LMTK3: variants seen among roughly 807,000 people sequenced by gnomAD.
The protein encoded by LMTK3 is serine/threonine-protein kinase LMTK3.
LMTK3 carries 27 observed loss-of-function variants against 116.7 expected under a neutral mutation model. The ratio of observed to expected loss-of-function variants is 0.23; its 90% CI spans 0.17 to 0.32. The LOEUF is 0.32. Among genes scored for constraint, LMTK3 ranks in the 10% least tolerant of loss-of-function variants. The probability of loss-of-function intolerance (pLI) is 1.00; values close to 1 mark genes in which losing one functional copy is unlikely to be tolerated. For synonymous variants in LMTK3, 965 were observed against 971.0 expected (o/e 0.99, Z 0.11); for missense variants, 1,764 against 2,068.5 (o/e 0.85, Z 2.86).
chr19:48,510,088 T>C lies in LMTK3; in HGVS notation c.296A>G (p.Asp99Gly). The change falls in exon 3 of 15, where the codon GAT becomes GGT. Residue 99 changes from aspartate to glycine, a missense_variant. Around this residue, in one of 7 missense-constraint regions of LMTK3, gnomAD observed 271 missense variants for 478.2 expected, o/e 0.57. Coordinates refer to ENST00000600059, the MANE Select transcript of LMTK3 (RefSeq NM_001388485.1). ...CTCAGCCAGCGGGAGAATGTAGACA[T>C]CAGGCAGCGACTGTGAGGAGGAGGT... ...EETSSSQSLP[D>G]VYILPLAEVS... 1 of 1,613,820 alleles carries C rather than the reference T, an allele frequency of 6.2e-7. No individual in the cohort carries two copies. Among genetic ancestry groups the C allele is most frequent in the South Asian group, 1.1e-5 (1 of 91,058 alleles).
chr19:48,510,661 G>C, intron 1 of LMTK3, 69 bp from the exon 2 acceptor site: 2 of 1,454,454 alleles, frequency 1.4e-6, no homozygotes, highest in Non-Finnish European at 1.8e-6. Flanking sequence ...GCCCCCTCCC[G>C]TCCCGGCACG....
In LMTK3 at chr19:48,497,865, C is replaced by G. The variant is rs919419012; in HGVS notation, c.3204G>C (p.Gly1068=). Residue 1068 remains glycine, a synonymous_variant, in exon 11 of 15, where the codon GGG becomes GGC. Coordinates refer to ENST00000600059, the MANE Select transcript of LMTK3 (RefSeq NM_001388485.1). The surrounding 1 kb of genome is among the most constrained non-coding windows in gnomAD (Gnocchi z 5.7). ...PSAVVSSRNG[G]ETAPGPLGPA... ...GGCCAAGGGGGCCAGGGGCTGTCTC[C>G]CCGCCGTTCCGGGAGGAGACCACTG... The G allele has an allele frequency of 4.2e-6, 6 of 1,441,574 alleles. No individual in the cohort carries two copies. The African/African-American group carries it at 8.6e-5, about 21-fold the overall frequency. The allele number at this position is 1,441,574 out of a possible 1,614,324, so 89.3% of individuals were successfully genotyped here.
Position 48,497,259 on chromosome 19 carries a change from G to T in LMTK3, c.3676+134C>A. The T allele has an allele frequency of 3.0e-6, 3 of 986,768 alleles. No individual in the cohort carries two copies. Among genetic ancestry groups the T allele is most frequent in the Non-Finnish European group, 4.0e-6 (3 of 742,674 alleles). The allele number at this position is 986,768 out of a possible 1,614,324, so 61.1% of individuals were successfully genotyped here. A position where few individuals can be genotyped will look rare whatever the true frequency, so the allele number is the denominator to read the frequency against. On this transcript the variant is annotated intron_variant, in intron 11 of 14. Transcript: ENST00000600059. This position sits in a 1 kb window ranked among gnomAD's most constrained non-coding sequence, Gnocchi z 5.7. ...GAGAGGGGGCTGAGCCACGATGTGA[G>T]CCCAGGTGGTGCAGGCTTCAGGACC...
chr19:48,498,349 G>A lies in LMTK3; in HGVS notation c.2720C>T (p.Pro907Leu), dbSNP rs762392357. Residue 907 changes from proline (P) to leucine (L), a missense_variant, in exon 11 of 15, where the codon CCG (proline) becomes CTG (leucine). Physicochemically the swap from Pro to Leu is moderately conservative, Grantham distance 98 (BLOSUM62 -3). This residue lies in a region of LMTK3 where 1,028 missense variants were observed against 1,050.6 expected (regional missense o/e 0.98). Coordinates refer to ENST00000600059, the MANE Select transcript of LMTK3 (RefSeq NM_001388485.1). Reference protein sequence around the residue: ...REKVPGLNRDPTVLGNGKQAP... With the variant: ...REKVPGLNRDLTVLGNGKQAP... ...TTGTTTCCCGTTGCCCAGGACTGTC[G>A]GGTCCCTGTTCAGGCCCGGGACTTT... The A allele has an allele frequency of 8.7e-6, 14 of 1,612,960 alleles. No homozygotes were observed. In the Middle Eastern group the frequency reaches 6.6e-4, roughly 76 times the overall value.
Position 48,501,393 on chromosome 19 carries a change from G to A in LMTK3, c.891C>T (p.Tyr297=). Residue 297 remains tyrosine, a synonymous_variant, in exon 9 of 15, where the codon TAC becomes TAT. Transcript: ENST00000600059. Reference sequence around the variant, plus strand: ...GGATCCACAGGCGCTCTGGGGTCAGGTAGTAGTCCTCCTGAGGGAACCAGG... The same window carrying A: ...GGATCCACAGGCGCTCTGGGGTCAGATAGTAGTCCTCCTGAGGGAACCAGG... The part of the protein sequence containing the change: ...LAHSNYKEDY[Y]LTPERLWIPL... The A allele has an allele frequency of 6.2e-7, 1 of 1,613,036 alleles. No homozygotes were observed. Among genetic ancestry groups the A allele is most frequent in the East Asian group, 2.2e-5 (1 of 44,874 alleles).
chr19:48,500,659 C>T lies in LMTK3; in HGVS notation c.1151+337G>A, dbSNP rs558150101. 3.9e-5 allele frequency among the ~76,000 whole-genome samples: 6 copies of T among 152,266 alleles called. No individual in the cohort carries two copies. In the East Asian group the frequency reaches 9.6e-4, roughly 24 times the overall value. On this transcript the variant is annotated intron_variant, in intron 10 of 14. Coordinates refer to ENST00000600059, the MANE Select transcript of LMTK3 (RefSeq NM_001388485.1). This position sits in a 1 kb window ranked among gnomAD's most constrained non-coding sequence, Gnocchi z 4.0. ...GGGGGAAGATGCCCATAGAGAGAGG[C>T]TGACGGGACCTGGAGGCAGAGGGGA...
chr19:48,492,118 C>T (rs889781441), intron 12 of LMTK3, among the ~76,000 whole-genome samples: 14 of 152,214 alleles, frequency 9.2e-5, no homozygotes, highest in Non-Finnish European at 1.6e-4. Flanking sequence ...ATGCCCGCCC[C>T]AGGTTCATCT....
At chr19:48,493,361 GC>G (rs1034106480) in intron 12 of LMTK3, among the ~76,000 whole-genome samples, 1 of 13,314 alleles carries the variant, frequency 7.5e-5, no homozygotes, top group African/African-American at 3.5e-4. Context: ...CCTGGGCCCC[GC>G]CCCACTCTAG....
rs1459933536 is a variant in LMTK3, at chr19:48,497,386, T to A, written c.3676+7A>T. Reference sequence around the variant, plus strand: ...TCAGCCCTGACTGTGCCCCGCAGCCTCCTCACCTTTGATCTGCTCGCTGTT... The same window carrying A: ...TCAGCCCTGACTGTGCCCCGCAGCCACCTCACCTTTGATCTGCTCGCTGTT... On this transcript the variant is annotated splice_region_variant and intron_variant, in intron 11 of 14. Coordinates refer to ENST00000600059, the MANE Select transcript of LMTK3 (RefSeq NM_001388485.1). This position sits in a 1 kb window ranked among gnomAD's most constrained non-coding sequence, Gnocchi z 5.7. The A allele has an allele frequency of 1.3e-6, 2 of 1,482,934 alleles. 1 individual carries two copies. Among genetic ancestry groups the A allele is most frequent in the South Asian group, 2.8e-5 (2 of 72,636 alleles). 91.9% of individuals were successfully genotyped at this position (1,482,934 alleles called of 1,614,324 possible).
At chr19:48,496,296 C>CTTTTTTTTT (rs1365263028) in intron 11 of LMTK3, among the ~76,000 whole-genome samples, 1 of 142,202 alleles carries the variant, frequency 7.0e-6, no homozygotes, top group African/African-American at 2.7e-5. Flanking sequence ...TTTTCTTTTT[C>CTTTTTTTTT]TTTTCTTTTT....
Position 48,511,614 on chromosome 19 carries a change from C to T in LMTK3, c.-38G>A. 1 of 165,460 alleles carries T rather than the reference C, an allele frequency of 6.0e-6. No individual in the cohort carries two copies. Among genetic ancestry groups the T allele is most frequent in the South Asian group, 1.6e-4 (1 of 6,424 alleles). The allele number at this position is 165,460 out of a possible 1,614,324, so 10.2% of individuals were successfully genotyped here. A position where few individuals can be genotyped will look rare whatever the true frequency, so the allele number is the denominator to read the frequency against. ...GGCAGGGAGGTGGAGGTGGTGGCGG[C>T]TGGGGAGGAGGGGGGGGCGGGCCCT... On this transcript the variant is annotated 5_prime_UTR_variant, in exon 1 of 15. Coordinates refer to ENST00000600059, the MANE Select transcript of LMTK3 (RefSeq NM_001388485.1).
intron 5 of LMTK3, among the ~76,000 whole-genome samples, chr19:48,507,218 G>A (rs147483308): frequency 5.3e-5 from 8 of 152,322 alleles, no homozygotes; most frequent in Admixed American, 2.6e-4. Context: ...AAGGCCGGCC[G>A]CTCTGCTCTC....
chr19:48,495,164 C>G (rs963382199), intron 11 of LMTK3, among the ~76,000 whole-genome samples: 1 of 152,068 alleles, frequency 6.6e-6, no homozygotes, highest in Non-Finnish European at 1.5e-5. Flanking sequence ...TGCCTGCCCC[C>G]ACGCTCAGCT....
chr19:48,492,178 AAC>A (rs1972238568), intron 12 of LMTK3, among the ~76,000 whole-genome samples: 1 of 151,926 alleles, frequency 6.6e-6, no homozygotes, highest in South Asian at 2.1e-4. Flanking sequence ...TTTTCTCTTC[AAC>A]ACCATATCCT....
intron 5 of LMTK3, 22 bp downstream of exon 5, chr19:48,508,829 C>A (rs758829091): frequency 2.6e-6 from 4 of 1,550,828 alleles, no homozygotes; most frequent in South Asian, 1.1e-5. Context: ...AAGGCACACA[C>A]CCACTGAGAA....
chr19:48,491,232 C>G lies in LMTK3; in HGVS notation c.4242G>C (p.Glu1414Asp). 1 of 1,408,734 alleles carries G rather than the reference C, an allele frequency of 7.1e-7. No homozygotes were observed. Among genetic ancestry groups the G allele is most frequent in the Non-Finnish European group, 9.3e-7 (1 of 1,078,348 alleles). 87.3% of individuals were successfully genotyped at this position (1,408,734 alleles called of 1,614,324 possible). ...SNDSGFGGSFEWAEDFPLLPP... is the reference protein window; with the variant it reads ...SNDSGFGGSFDWAEDFPLLPP... ...GGAGGAGGGGGAAATCCTCCGCCCA[C>G]TCGAAACTGCCTCCTGCGGCAGAAG... Residue 1414 changes from glutamate to aspartate, a missense_variant, in exon 14 of 15, where the codon GAG becomes GAC. This residue lies in a region of LMTK3 where 281 missense variants were observed against 301.4 expected (regional missense o/e 0.93). Coordinates refer to ENST00000600059, the MANE Select transcript of LMTK3 (RefSeq NM_001388485.1). The surrounding 1 kb of genome is among the most constrained non-coding windows in gnomAD (Gnocchi z 5.1).
rs1178598944 is a variant in LMTK3 at position 48,502,579 on chromosome 19, C to A, written c.648G>T (p.Gly216=). 1.9e-6 allele frequency: 3 copies of A among 1,539,234 alleles called. No individual in the cohort carries two copies. In the East Asian group the frequency reaches 7.0e-5, roughly 36 times the overall value. The change falls in exon 7 of 15, where the codon GGG becomes GGT. Residue 216 remains glycine (G), a splice_region_variant and synonymous_variant. Transcript: ENST00000600059. ...FLLIMEFCQL[G]DLKRYLRAQR... ...GGGCTCGGAGGTAACGCTTCAGGTC[C>A]CCCTGGGAGGGAGGCAAAGAAGGTC...
At position 48,499,794 on chromosome 19, in the gene LMTK3, T is replaced by C; in HGVS notation, c.1275A>G (p.Pro425=). The change falls in exon 11 of 15, where the codon CCA becomes CCG. Residue 425 remains proline (P), a synonymous_variant. Coordinates refer to ENST00000600059, the MANE Select transcript of LMTK3 (RefSeq NM_001388485.1). ...GCCAGGGGAAGGGACCGTCTCGGGG[T>C]GGGGGTGGCGGCGGTGGGGGCCGGG... ...RPPRPPPPPP[P]PRDGPFPWPW... is the part of the protein sequence containing the mutation. 2 of 581,062 alleles carry C rather than the reference T, an allele frequency of 3.4e-6. No individual in the cohort carries two copies. The highest frequency in any genetic ancestry group is 9.9e-5 in the East Asian group (1 of 10,056). The allele number at this position is 581,062 out of a possible 1,614,324, so 36.0% of individuals were successfully genotyped here. A position where few individuals can be genotyped will look rare whatever the true frequency, so the allele number is the denominator to read the frequency against.
chr19:48,498,170 G>T lies in LMTK3; in HGVS notation c.2899C>A (p.Pro967Thr). 1 of 1,613,432 alleles carries T rather than the reference G, an allele frequency of 6.2e-7. No individual in the cohort carries two copies. The change falls in exon 11 of 15, where the codon CCA (proline) becomes ACA (threonine). Residue 967 changes from proline (P) to threonine (T), a missense_variant. This residue lies in a region of LMTK3 where 1,028 missense variants were observed against 1,050.6 expected (regional missense o/e 0.98). Coordinates refer to ENST00000600059, the MANE Select transcript of LMTK3 (RefSeq NM_001388485.1). ...KVLENGELTP[P>T]RREEKALENG... The stretch of plus-strand genomic sequence containing the variant: ...TCCAGCGCTTTCTCCTCCCTCCTTG[G>T]GGGTGTCAGCTCCCCATTCTCCAGC...
Sources: allele counts gnomAD v4.1 joint callset (sites outside exome capture counted in the v4.1 genomes callset), GRCh38; gene constraint gnomAD v4.1.1; regional missense constraint gnomAD v4.1.1; non-coding constraint Gnocchi (gnomAD v3.1); transcripts MANE v1.5; gene names NCBI Gene and HGNC (gene_info 2026-07-23, HGNC 2026-07-21).